Variants in ADGRE3 observed in about 807,000 individuals in gnomAD.
ADGRE3 encodes the protein adhesion G protein-coupled receptor E3.
Under a neutral mutation model 80.1 loss-of-function variants are expected in ADGRE3, and 88 were observed. The ratio of observed to expected loss-of-function variants is 1.10; its 90% CI spans 0.93 to 1.31. The LOEUF is 1.31. Among genes scored for constraint, ADGRE3 ranks in the 40% most tolerant of loss-of-function variants. The probability of loss-of-function intolerance (pLI) is 0.00; values close to 1 mark genes in which losing one functional copy is unlikely to be tolerated. For synonymous variants in ADGRE3, 281 were observed against 294.8 expected (o/e 0.95, Z 0.48); for missense variants, 715 against 776.5 (o/e 0.92, Z 0.94).
the ADGRE3 span, chr19:14,610,846 G>A: frequency 6.6e-6 from 1 of 152,118 alleles, no homozygotes; most frequent in Non-Finnish European, 1.5e-5. Flanking sequence ...TATTTTTATA[G>A]AGATGAGGTC....
At chr19:14,647,127 C>T (rs199733481) in intron 8 of ADGRE3, 54 bp downstream of exon 8, 371 of 1,450,006 alleles carry the variant, frequency 2.6e-4, no homozygotes, top group Non-Finnish European at 3.3e-4. Flanking sequence ...ATACACACAT[C>T]GTTTGGCCTG....
chr19:14,661,091 G>T (rs528561611), intron 4 of ADGRE3, among the ~76,000 whole-genome samples: 1 of 151,980 alleles, frequency 6.6e-6, no homozygotes, highest in East Asian at 1.9e-4. Context: ...ACAGGCACCC[G>T]CCACCACACC....
intron 15 of ADGRE3, among the ~76,000 whole-genome samples, chr19:14,620,988 T>C (rs1272803061): frequency 6.6e-6 from 1 of 152,104 alleles, no homozygotes; most frequent in Non-Finnish European, 1.5e-5. Context: ...TTGGCACTTT[T>C]ACTCTTGTTG....
At chr19:14,649,942 A>C (rs1428398772) in intron 7 of ADGRE3, among the ~76,000 whole-genome samples, 5 of 22,738 alleles carry the variant, frequency 2.2e-4, no homozygotes, top group Non-Finnish European at 4.0e-4. Context: ...ATCTCTCTCC[A>C]TCTCTTTCTC....
intron 7 of ADGRE3, among the ~76,000 whole-genome samples, chr19:14,650,832 G>A (rs1258355016): frequency 6.6e-6 from 1 of 152,080 alleles, no homozygotes; most frequent in Non-Finnish European, 1.5e-5. Context: ...GCTTCTGGGT[G>A]AACCCAAACC....
At chr19:14,611,390 T>G in the ADGRE3 span, among the ~76,000 whole-genome samples, 1 of 148,450 alleles carries the variant, frequency 6.7e-6, no homozygotes, top group Admixed American at 6.8e-5. Context: ...TTTTTTTTTT[T>G]TTTTTGAGAT....
chr19:14,609,047 G>T, the ADGRE3 span, among the ~76,000 whole-genome samples: 416 of 152,098 alleles, frequency 2.7e-3, 1 homozygote, highest in African/African-American at 9.5e-3. Context: ...TGATCTACCC[G>T]TCTTGGCCTC....
In ADGRE3 at chr19:14,673,052, CA is replaced by C. The variant is rs199780344; in HGVS notation, c.25+1693del. 5.0e-3 allele frequency among the ~76,000 whole-genome samples: 760 copies of C among 152,250 alleles called. 26 individuals are homozygous for C. Among genetic ancestry groups the C allele is most frequent in the Admixed American group, 0.046 (704 of 15,278 alleles). Reference sequence around the variant, plus strand: ...GTGTGGAGGACTCTGTCTCCAGTTGCAAAAAGGCAGGCTTCTTTCACATTTG... The same window carrying C: ...GTGTGGAGGACTCTGTCTCCAGTTGCAAAAGGCAGGCTTCTTTCACATTTG... On this transcript the variant is annotated intron_variant, in intron 1 of 15. Coordinates refer to ENST00000253673, the MANE Select transcript of ADGRE3 (RefSeq NM_032571.5).
chr19:14,641,371 C>T (rs746808258), intron 10 of ADGRE3, 48 bp downstream of exon 10: 63 of 1,606,744 alleles, frequency 3.9e-5, no homozygotes, highest in Admixed American at 1.3e-4. Flanking sequence ...TCCATGAGCT[C>T]AGTGTACCTT....
Position 14,643,042 on chromosome 19 carries a change from C to T in ADGRE3, c.1050+1066G>A, listed in dbSNP as rs190874665. Among the ~76,000 whole-genome samples, 3 of 152,240 alleles carry T rather than the reference C, an allele frequency of 2.0e-5. No homozygotes were observed. In the East Asian group the frequency reaches 5.8e-4, roughly 29 times the overall value. On this transcript the variant is annotated intron_variant, in intron 9 of 15. Coordinates refer to ENST00000253673, the MANE Select transcript of ADGRE3 (RefSeq NM_032571.5). ...CAATGGTTGAACCAATTTACAACCC[C>T]ACCAACAGTGTGTGTTCCTTTTTTT...
chr19:14,634,295 A>G (rs1219924153), intron 11 of ADGRE3, among the ~76,000 whole-genome samples: 1 of 152,216 alleles, frequency 6.6e-6, no homozygotes, highest in Non-Finnish European at 1.5e-5. Flanking sequence ...TCATAGCTCA[A>G]GGTATTTTGA....
At chr19:14,625,394 C>T in intron 15 of ADGRE3, 98 bp downstream of exon 15, 1 of 836,790 alleles carries the variant, frequency 1.2e-6, no homozygotes, top group Non-Finnish European at 2.0e-6. Context: ...AAAACAAAAA[C>T]AAAAACAAAC....
chr19:14,637,104 A>G (rs1218090287), intron 11 of ADGRE3, among the ~76,000 whole-genome samples: 4 of 152,150 alleles, frequency 2.6e-5, no homozygotes, highest in East Asian at 1.9e-4. Flanking sequence ...CAATAAAACA[A>G]AAAAACAAAA....
At chr19:14,670,212 G>T (rs1056627552) in intron 1 of ADGRE3, among the ~76,000 whole-genome samples, 1 of 152,128 alleles carries the variant, frequency 6.6e-6, no homozygotes, top group Non-Finnish European at 1.5e-5. Flanking sequence ...GAACTAGCTG[G>T]GCATTGTCCC....
In ADGRE3 at chr19:14,674,793, G is replaced by A; in HGVS notation, c.-23C>T. ...CATTTCTGTGGTACGGGTATCCCAC[G>A]CCAGCCAGCCCTGGAAGCTCTCTAC... On this transcript the variant is annotated 5_prime_UTR_variant, in exon 1 of 16. Coordinates refer to ENST00000253673, the MANE Select transcript of ADGRE3 (RefSeq NM_032571.5). The A allele has an allele frequency of 6.2e-7, 1 of 1,613,070 alleles. No homozygotes were observed. The highest frequency in any genetic ancestry group is 8.5e-7 in the Non-Finnish European group (1 of 1,179,466).
At chr19:14,670,206 T>C (rs1972216209) in intron 1 of ADGRE3, among the ~76,000 whole-genome samples, 1 of 152,188 alleles carries the variant, frequency 6.6e-6, no homozygotes, top group Admixed American at 6.6e-5. Flanking sequence ...GGCTGAGAAC[T>C]AGCTGGGCAT....
chr19:14,624,662 G>T (rs1016183209), intron 15 of ADGRE3, among the ~76,000 whole-genome samples: 1 of 151,652 alleles, frequency 6.6e-6, no homozygotes, highest in Admixed American at 6.6e-5. Flanking sequence ...AGCTGAGATG[G>T]GAGGATTGCT....
intron 14 of ADGRE3, among the ~76,000 whole-genome samples, chr19:14,629,428 T>C (rs1399740601): frequency 5.9e-5 from 9 of 152,222 alleles, no homozygotes; most frequent in African/African-American, 2.2e-4. Context: ...TGAGTGTTCT[T>C]TTCTCATTGA....
chr19:14,628,402 G>T (rs922536685), intron 14 of ADGRE3, among the ~76,000 whole-genome samples: 2 of 151,836 alleles, frequency 1.3e-5, no homozygotes, highest in African/African-American at 4.8e-5. Flanking sequence ...TTGAGCTACT[G>T]TACTCCAGCC....
Sources: allele counts gnomAD v4.1 joint callset (sites outside exome capture counted in the v4.1 genomes callset), GRCh38; gene constraint gnomAD v4.1.1; transcripts MANE v1.5; gene names NCBI Gene and HGNC (gene_info 2026-07-23, HGNC 2026-07-21).